Variants in ZNF704 observed in about 807,000 individuals in gnomAD.
The protein encoded by ZNF704 is glucocorticoid induced gene 1.
A neutral mutation model predicts 44.7 loss-of-function variants in ZNF704; 10 were observed. The ratio of observed to expected loss-of-function variants is 0.22; its 90% confidence interval spans 0.14 to 0.38. The LOEUF is 0.38. ZNF704 is among the 10% of genes least tolerant of loss of function. The pLI is 1.00. For missense variants in ZNF704, 390 were observed against 545.5 expected (o/e 0.71, Z 2.84); for synonymous variants, 211 against 207.6 (o/e 1.02, Z -0.14).
intron 2 of ZNF704, among the ~76,000 whole-genome samples, chr8:80,693,747 G>A (rs1818679603): frequency 6.6e-6 from 1 of 152,184 alleles, no homozygotes; most frequent in South Asian, 2.1e-4. Flanking sequence ...GTGTGAGAAG[G>A]GGAGAGCGGT....
In ZNF704 at chr8:80,629,126, A is replaced by G. The variant is rs1172837772; in HGVS notation, c.*12240T>C. On this transcript the variant is annotated 3_prime_UTR_variant, in exon 9 of 9. Coordinates refer to ENST00000327835, the MANE Select transcript of ZNF704 (RefSeq NM_001033723.3). ...AATTCAAAAAATTGTTTTAGAGAAC[A>G]GCATTTAGAAAAACAACATCATTTA... 6.6e-6 allele frequency: 1 copy of G among 152,234 alleles called. No individual in the cohort carries two copies. The highest frequency in any genetic ancestry group is 1.5e-5 in the Non-Finnish European group (1 of 68,040). 9.4% of individuals were successfully genotyped at this position (152,234 alleles called of 1,614,324 possible). A position where few individuals can be genotyped will look rare whatever the true frequency, so the allele number is the denominator to read the frequency against.
intron 1 of ZNF704, among the ~76,000 whole-genome samples, chr8:80,859,266 A>C (rs554273087): frequency 6.6e-6 from 1 of 152,338 alleles, no homozygotes; most frequent in African/African-American, 2.4e-5. Flanking sequence ...TAAAGTAAAA[A>C]GATGAAACAT....
intron 2 of ZNF704, among the ~76,000 whole-genome samples, chr8:80,703,759 G>A (rs570690021): frequency 1.3e-5 from 2 of 152,346 alleles, no homozygotes; most frequent in South Asian, 4.1e-4. Flanking sequence ...ACAGGCATGA[G>A]CCACTGTGCC....
chr8:80,739,710 CCTATTAGGCT>C lies in ZNF704; in HGVS notation c.222-46613_222-46604del, dbSNP rs1421377466. ...GAAAATGACTTCTGTTAAAATGACT[CCTATTAGGCT>C]CTGGAAAAGGGAAGAGCTGGGCAAA... On this transcript the variant is annotated intron_variant, in intron 2 of 8. Transcript: ENST00000327835. Among the ~76,000 whole-genome samples the C allele has an allele frequency of 2.6e-5, 4 of 152,248 alleles. No individual in the cohort carries two copies. The East Asian group carries it at 7.7e-4, about 29-fold the overall frequency.
At chr8:80,698,882 C>T (rs138277878) in intron 2 of ZNF704, among the ~76,000 whole-genome samples, 6 of 152,276 alleles carry the variant, frequency 3.9e-5, no homozygotes, top group Non-Finnish European at 7.4e-5. Flanking sequence ...TTCTTTTGAG[C>T]CACTTCCTGC....
At chr8:80,729,482 G>A (rs1806539461) in intron 2 of ZNF704, among the ~76,000 whole-genome samples, 1 of 152,190 alleles carries the variant, frequency 6.6e-6, no homozygotes, top group Non-Finnish European at 1.5e-5. Context: ...GGAAGGGTAT[G>A]AGGACTAAGA....
intron 2 of ZNF704, among the ~76,000 whole-genome samples, chr8:80,706,491 C>T (rs1423531684): frequency 2.6e-5 from 4 of 152,144 alleles, no homozygotes; most frequent in Non-Finnish European, 5.9e-5. Flanking sequence ...AGCTATTTTA[C>T]CTTTTTGTTT....
intron 2 of ZNF704, among the ~76,000 whole-genome samples, chr8:80,808,452 G>C (rs1016408035): frequency 6.6e-6 from 1 of 152,202 alleles, no homozygotes; most frequent in African/African-American, 2.4e-5. Context: ...TAATTTTCAA[G>C]TTGTAACTTT....
At chr8:80,822,616 C>A (rs1013512176) in intron 1 of ZNF704, among the ~76,000 whole-genome samples, 1 of 152,142 alleles carries the variant, frequency 6.6e-6, no homozygotes, top group Non-Finnish European at 1.5e-5. Flanking sequence ...CCTGAGGAAT[C>A]GCCACACTGA....
chr8:80,661,994 T>C (rs2131607069), intron 6 of ZNF704, among the ~76,000 whole-genome samples: 1 of 152,270 alleles, frequency 6.6e-6, no homozygotes, highest in Middle Eastern at 3.4e-3. Flanking sequence ...CGATTAATAT[T>C]CAAAATACCC....
At chr8:80,653,891 A>C (rs1245232343) in intron 7 of ZNF704, among the ~76,000 whole-genome samples, 1 of 152,164 alleles carries the variant, frequency 6.6e-6, no homozygotes, top group Non-Finnish European at 1.5e-5. Flanking sequence ...AGTCAATCCT[A>C]AGCCAAAAGA....
At chr8:80,819,595 A>C (rs1808234666) in intron 2 of ZNF704, among the ~76,000 whole-genome samples, 1 of 152,066 alleles carries the variant, frequency 6.6e-6, no homozygotes, top group African/African-American at 2.4e-5. Context: ...AATTGTTAAC[A>C]TGTCAGTTTC....
chr8:80,690,733 G>A (rs1017033440), intron 3 of ZNF704, among the ~76,000 whole-genome samples: 13 of 152,346 alleles, frequency 8.5e-5, no homozygotes, highest in African/African-American at 3.1e-4. Context: ...TGTCGGCTAG[G>A]TATGGTGGCT....
chr8:80,791,795 G>T (rs1375538517), intron 2 of ZNF704, among the ~76,000 whole-genome samples: 1 of 152,178 alleles, frequency 6.6e-6, no homozygotes, highest in African/African-American at 2.4e-5. Context: ...AGGAGGAAGG[G>T]GTAAGGAAGT....
At position 80,664,823 on chromosome 8, in the gene ZNF704, C is replaced by T; in HGVS notation, c.919G>A (p.Ala307Thr). 1 of 1,614,168 alleles carries T rather than the reference C, an allele frequency of 6.2e-7. No homozygotes were observed. ...AGTCCCCTGCAAGTCACCTGGTAAG[C>T]ATGGTCAGTGTGCACGAGGTAGAGG... is the stretch of plus-strand genomic sequence containing the variant. ...TTLYLVHTDH[A>T]YQATPPVTIP... The change falls in exon 6 of 9, where the codon GCT becomes ACT. Residue 307 changes from alanine (A) to threonine (T), a missense_variant. Physicochemically the swap from Ala to Thr is moderately conservative, Grantham distance 58 (BLOSUM62 0). This residue lies in a region of ZNF704 where 305 missense variants were observed against 435.7 expected (regional missense o/e 0.70). Coordinates refer to ENST00000327835, the MANE Select transcript of ZNF704 (RefSeq NM_001033723.3).
At position 80,874,134 on chromosome 8, in the gene ZNF704, C is replaced by G. The variant is rs867926809; in HGVS notation, c.-22+437G>C. On this transcript the variant is annotated intron_variant, in intron 1 of 8. Coordinates refer to ENST00000327835, the MANE Select transcript of ZNF704 (RefSeq NM_001033723.3). This position sits in a 1 kb window ranked among gnomAD's most constrained non-coding sequence, Gnocchi z 4.4. ...CTGCCTCCGCCGGTGGCCGCAGGGC[C>G]GGGGACTCGCGGCCGCAAGGGGCTG... is the stretch of plus-strand genomic sequence containing the variant. Among the ~76,000 whole-genome samples the G allele has an allele frequency of 4.0e-3, 589 of 146,746 alleles. 4 individuals carry two copies. Among genetic ancestry groups the G allele is most frequent in the African/African-American group, 0.014 (563 of 40,994 alleles).
At chr8:80,869,456 G>A (rs1449247238) in intron 1 of ZNF704, among the ~76,000 whole-genome samples, 1 of 152,112 alleles carries the variant, frequency 6.6e-6, no homozygotes, top group Non-Finnish European at 1.5e-5. Flanking sequence ...GAAAACTACT[G>A]TCATCTGATC....
chr8:80,787,440 C>A (rs1158094425), intron 2 of ZNF704, among the ~76,000 whole-genome samples: 1 of 152,174 alleles, frequency 6.6e-6, no homozygotes, highest in African/African-American at 2.4e-5. Flanking sequence ...GTTAGGAGAT[C>A]AAAGCGCTTC....
At position 80,701,159 on chromosome 8, in the gene ZNF704, C is replaced by G. The variant is rs139356162; in HGVS notation, c.222-8052G>C. Reference sequence around the variant, plus strand: ...CCTGGCTGAATCCTCCTGTGCTGCTCTTTACTGTCCACCTCAGGGCAGTCA... The same window carrying G: ...CCTGGCTGAATCCTCCTGTGCTGCTGTTTACTGTCCACCTCAGGGCAGTCA... On this transcript the variant is annotated intron_variant, in intron 2 of 8. Coordinates refer to ENST00000327835, the MANE Select transcript of ZNF704 (RefSeq NM_001033723.3). Among the ~76,000 whole-genome samples, 684 of 141,952 alleles carry G rather than the reference C, an allele frequency of 4.8e-3. 5 individuals are homozygous for G. The highest frequency in any genetic ancestry group is 7.0e-3 in the Non-Finnish European group (477 of 67,668). The allele number at this position is 141,952 out of a possible 152,430, so 93.1% of individuals were successfully genotyped here. A position where few individuals can be genotyped will look rare whatever the true frequency, so the allele number is the denominator to read the frequency against.
Sources: gnomAD v4.1 joint callset for allele counts (sites outside exome capture counted in the v4.1 genomes callset) on GRCh38, gnomAD v4.1.1 for gene constraint, gnomAD v4.1.1 regional missense constraint, Gnocchi (gnomAD v3.1) non-coding constraint, MANE v1.5 for transcripts, NCBI Gene and HGNC (gene_info 2026-07-23, HGNC 2026-07-21) for gene names.